Variants in RALYL observed in about 807,000 individuals in gnomAD.
The protein encoded by RALYL is RALY RNA binding protein like.
In RALYL, 29 loss-of-function variants were observed where a neutral mutation model predicts 35.1. That is an observed-to-expected ratio of 0.83 (90% CI 0.61 to 1.13). The LOEUF is 1.13. Among genes scored for constraint, RALYL ranks in the 50% most tolerant of loss-of-function variants. The pLI, the probability that RALYL is intolerant of heterozygous loss-of-function variation, is 0.00. For synonymous variants in RALYL, 120 were observed against 127.6 expected (o/e 0.94, Z 0.40); for missense variants, 359 against 360.4 (o/e 1.00, Z 0.03).
chr8:84,698,334 A>G (rs1009262455), intron 2 of RALYL, among the ~76,000 whole-genome samples: 12 of 152,276 alleles, frequency 7.9e-5, no homozygotes, highest in African/African-American at 2.9e-4. Flanking sequence ...TAATTAAAAT[A>G]CCTCATCTAT....
chr8:84,763,402 G>A (rs1036538587), intron 2 of RALYL, among the ~76,000 whole-genome samples: 1 of 152,058 alleles, frequency 6.6e-6, no homozygotes, highest in African/African-American at 2.4e-5. Flanking sequence ...TAAACTCTTG[G>A]GATGCAATGA....
At chr8:84,647,118 G>A (rs1185654202) in intron 2 of RALYL, among the ~76,000 whole-genome samples, 1 of 151,998 alleles carries the variant, frequency 6.6e-6, no homozygotes, top group Non-Finnish European at 1.5e-5. Context: ...AGCTCAGGAC[G>A]CCAACCTTGT....
At chr8:84,592,772 T>C (rs1813584733) in intron 2 of RALYL, among the ~76,000 whole-genome samples, 1 of 152,092 alleles carries the variant, frequency 6.6e-6, no homozygotes, top group Non-Finnish European at 1.5e-5. Flanking sequence ...TTTCAGAAAA[T>C]GTTTCAGTAA....
intron 1 of RALYL, among the ~76,000 whole-genome samples, chr8:84,420,449 C>G (rs2045379883): frequency 1.3e-5 from 2 of 151,532 alleles, no homozygotes; most frequent in South Asian, 4.2e-4. Context: ...GATATTAGCC[C>G]TATGTCAGAT....
chr8:84,213,762 T>A (rs554633570), intron 1 of RALYL, among the ~76,000 whole-genome samples: 8 of 152,298 alleles, frequency 5.3e-5, no homozygotes, highest in East Asian at 1.9e-4. Context: ...AATGACATAT[T>A]TATATTTCGG....
intron 2 of RALYL, among the ~76,000 whole-genome samples, chr8:84,759,661 AG>A (rs1812227430): frequency 2.0e-5 from 3 of 152,322 alleles, no homozygotes; most frequent in South Asian, 4.1e-4. Context: ...GGTCTTATGC[AG>A]GTTACTCATC....
chr8:84,568,964 T>A (rs1344127302), intron 2 of RALYL, among the ~76,000 whole-genome samples: 2 of 149,952 alleles, frequency 1.3e-5, no homozygotes, highest in African/African-American at 2.4e-5. Flanking sequence ...GTCAGATGAG[T>A]AGGTTGCGAA....
chr8:84,886,228 ATTATT>A (rs1419347066), intron 7 of RALYL, among the ~76,000 whole-genome samples: 1 of 152,148 alleles, frequency 6.6e-6, no homozygotes, highest in Non-Finnish European at 1.5e-5. Flanking sequence ...AAAAGTAATT[ATTATT>A]TTAATTATAA....
At chr8:84,633,583 T>A (rs1019332193) in intron 2 of RALYL, among the ~76,000 whole-genome samples, 6 of 151,846 alleles carry the variant, frequency 4.0e-5, no homozygotes, top group African/African-American at 1.4e-4. Flanking sequence ...AAATCAGACG[T>A]GTTTAAAGCA....
intron 1 of RALYL, among the ~76,000 whole-genome samples, chr8:84,457,119 C>G (rs921516034): frequency 6.6e-6 from 1 of 151,950 alleles, no homozygotes; most frequent in African/African-American, 2.4e-5. Flanking sequence ...TCCAGAATCT[C>G]AGTTCCTTGC....
intron 1 of RALYL, among the ~76,000 whole-genome samples, chr8:84,341,158 ATTTTT>A (rs11291365): frequency 7.8e-6 from 1 of 127,862 alleles, no homozygotes. Context: ...TAACCAGGTG[ATTTTT>A]TTTTTTTTTT....
chr8:84,814,499 C>G (rs1563664509), intron 4 of RALYL, among the ~76,000 whole-genome samples: 1 of 152,092 alleles, frequency 6.6e-6, no homozygotes. Flanking sequence ...AATATTGATA[C>G]ATTTTTAATA....
chr8:84,514,090 T>TAAAAAAAAAAAAAAAA (rs57881021), intron 1 of RALYL, among the ~76,000 whole-genome samples: 1 of 41,156 alleles, frequency 2.4e-5, no homozygotes, highest in Non-Finnish European at 4.9e-5. Flanking sequence ...AGATTTCATC[T>TAAAAAAAAAAAAAAAA]AAAAAAAAAA....
intron 2 of RALYL, among the ~76,000 whole-genome samples, chr8:84,555,007 A>G (rs920688858): frequency 2.0e-5 from 3 of 152,156 alleles, no homozygotes; most frequent in African/African-American, 4.8e-5. Flanking sequence ...TTGGCCTGGC[A>G]CAGTGGCTCA....
At chr8:84,583,520 A>G (rs1389352199) in intron 2 of RALYL, among the ~76,000 whole-genome samples, 1 of 152,166 alleles carries the variant, frequency 6.6e-6, no homozygotes, top group Non-Finnish European at 1.5e-5. Flanking sequence ...CAAATGTTAG[A>G]ATGTATTTCA....
intron 2 of RALYL, among the ~76,000 whole-genome samples, chr8:84,633,081 AT>A (rs1824268637): frequency 6.6e-6 from 1 of 150,656 alleles, no homozygotes; most frequent in Non-Finnish European, 1.5e-5. Flanking sequence ...CAGATTTACC[AT>A]AAACTAATTT....
intron 1 of RALYL, among the ~76,000 whole-genome samples, chr8:84,490,417 G>T (rs1286343682): frequency 6.6e-6 from 1 of 151,948 alleles, no homozygotes; most frequent in East Asian, 1.9e-4. Context: ...CAGAAGAAAA[G>T]ATTGAAGGTT....
chr8:84,521,150 C>T (rs887266008), intron 1 of RALYL, among the ~76,000 whole-genome samples: 3 of 152,088 alleles, frequency 2.0e-5, no homozygotes, highest in East Asian at 1.9e-4. Flanking sequence ...AGGTCATGAG[C>T]GTGAAGATCC....
chr8:84,202,967 T>G (rs572336845), intron 1 of RALYL, among the ~76,000 whole-genome samples: 1 of 152,208 alleles, frequency 6.6e-6, no homozygotes, highest in African/African-American at 2.4e-5. Context: ...ACCCATAACA[T>G]AAAAACAGAA....
Sources: gnomAD v4.1 joint callset for allele counts (sites outside exome capture counted in the v4.1 genomes callset) on GRCh38, gnomAD v4.1.1 for gene constraint, MANE v1.5 for transcripts, NCBI Gene and HGNC (gene_info 2026-07-23, HGNC 2026-07-21) for gene names.